Variants in CDH11 observed in about 807,000 individuals in gnomAD.
CDH11 encodes the protein cadherin-11.
Under a neutral mutation model 67.8 loss-of-function variants are expected in CDH11, and 11 were observed. The observed-to-expected ratio is 0.16, with a 90% CI of 0.10 to 0.27. CDH11 has a LOEUF of 0.27. Among genes scored for constraint, CDH11 ranks in the 10% least tolerant of loss-of-function variants. The pLI is 1.00. For synonymous variants in CDH11, 419 were observed against 400.0 expected, an observed-to-expected ratio of 1.05 and a Z score of -0.57; for missense variants, 847 against 1,031.2, an observed-to-expected ratio of 0.82 and a Z score of 2.45.
chr16:64,974,243 CA>C, intron 8 of CDH11, among the ~76,000 whole-genome samples: 1 of 152,094 alleles, frequency 6.6e-6, no homozygotes. Flanking sequence ...TAGAAAAGAA[CA>C]AAAATGGGTT....
chr16:65,071,078 G>T (rs945972365), intron 1 of CDH11, among the ~76,000 whole-genome samples: 3 of 152,180 alleles, frequency 2.0e-5, no homozygotes, highest in Non-Finnish European at 4.4e-5. Context: ...AGTTCAAAAG[G>T]TCCTTTGAGG....
chr16:65,039,816 C>A (rs2073829943), intron 2 of CDH11, among the ~76,000 whole-genome samples: 1 of 152,112 alleles, frequency 6.6e-6, no homozygotes, highest in African/African-American at 2.4e-5. Flanking sequence ...ACTCATCTGA[C>A]AAAGGGCTAA....
At chr16:65,021,569 C>CACACACAT (rs4048808) in intron 2 of CDH11, among the ~76,000 whole-genome samples, 26 of 139,002 alleles carry the variant, frequency 1.9e-4, no homozygotes, top group Admixed American at 1.4e-4. Context: ...CACACACACA[C>CACACACAT]ATATATATAT....
intron 1 of CDH11, among the ~76,000 whole-genome samples, chr16:65,097,410 T>C (rs923494327): frequency 6.6e-6 from 1 of 152,244 alleles, no homozygotes; most frequent in African/African-American, 2.4e-5. Flanking sequence ...AGATTGACCC[T>C]CATTCTCTAG....
intron 2 of CDH11, among the ~76,000 whole-genome samples, chr16:65,051,879 C>G (rs1017443742): frequency 1.3e-5 from 2 of 152,200 alleles, no homozygotes; most frequent in Non-Finnish European, 2.9e-5. Flanking sequence ...AATTAAACCA[C>G]TTTCATTTAT....
chr16:65,074,240 G>A (rs770506649), intron 1 of CDH11, among the ~76,000 whole-genome samples: 1 of 151,996 alleles, frequency 6.6e-6, no homozygotes, highest in Non-Finnish European at 1.5e-5. Context: ...AGACTCCAAA[G>A]GGGACACATT....
chr16:64,967,279 G>A (rs777543305), intron 11 of CDH11, among the ~76,000 whole-genome samples: 18 of 152,098 alleles, frequency 1.2e-4, no homozygotes, highest in African/African-American at 4.3e-4. Flanking sequence ...GTGCAGTGGC[G>A]TGATCTCAGC....
intron 1 of CDH11, among the ~76,000 whole-genome samples, chr16:65,086,482 CTG>C (rs2074701323): frequency 6.6e-6 from 1 of 152,202 alleles, no homozygotes; most frequent in African/African-American, 2.4e-5. Flanking sequence ...TCTGTTGTCT[CTG>C]TGATGTTAGA....
chr16:64,996,514 C>T (rs1228240205), intron 4 of CDH11, among the ~76,000 whole-genome samples: 3 of 146,156 alleles, frequency 2.1e-5, no homozygotes, highest in Non-Finnish European at 4.5e-5. Flanking sequence ...AAAAGTATTA[C>T]AATTCAACCC....
intron 11 of CDH11, among the ~76,000 whole-genome samples, chr16:64,959,251 G>A (rs573938538): frequency 1.2e-4 from 18 of 152,262 alleles, no homozygotes; most frequent in Middle Eastern, 6.8e-3. Flanking sequence ...ATGAGATATC[G>A]AAGTATGCAG....
chr16:65,050,541 A>G (rs914302849), intron 2 of CDH11, among the ~76,000 whole-genome samples: 3 of 152,196 alleles, frequency 2.0e-5, no homozygotes, highest in Non-Finnish European at 2.9e-5. Context: ...GTCATTGGTT[A>G]GTTTTGTTCT....
At chr16:65,096,443 G>GTGTGTGTGTGTGTATA (rs71143551) in intron 1 of CDH11, among the ~76,000 whole-genome samples, 2 of 138,436 alleles carry the variant, frequency 1.4e-5, no homozygotes, top group Non-Finnish European at 3.1e-5. Flanking sequence ...GTGTGTGTGT[G>GTGTGTGTGTGTGTATA]TATATATATG....
chr16:65,046,406 G>A (rs1044869249), intron 2 of CDH11, among the ~76,000 whole-genome samples: 5 of 152,194 alleles, frequency 3.3e-5, no homozygotes, highest in African/African-American at 1.2e-4. Context: ...CCAAAGAGGG[G>A]CACCTCCAGC....
At chr16:65,123,142 C>T (rs1457454076), upstream of CDH11, among the ~76,000 whole-genome samples, 1 of 152,086 alleles carries the variant, frequency 6.6e-6, no homozygotes, top group Non-Finnish European at 1.5e-5. Flanking sequence ...AAGGACTGGG[C>T]GGGGCGCTCG....
At chr16:64,995,638 C>T (rs939351759) in intron 4 of CDH11, among the ~76,000 whole-genome samples, 7 of 151,998 alleles carry the variant, frequency 4.6e-5, no homozygotes, top group Admixed American at 3.3e-4. Context: ...ACTATAAATG[C>T]CCTAGAGAAA....
In CDH11 at chr16:65,054,461, A is replaced by G. The variant is rs541192395; in HGVS notation, c.-297-533T>C. On this transcript the variant is annotated intron_variant, in intron 1 of 12. Coordinates refer to ENST00000268603, the MANE Select transcript of CDH11 (RefSeq NM_001797.4). ...CAGCAGACCAGAGCATTGGGCTGACAGTGTTGCAGCTCTTCAAGATTGCAT... is the reference window on the plus strand; with the variant it reads ...CAGCAGACCAGAGCATTGGGCTGACGGTGTTGCAGCTCTTCAAGATTGCAT... 7.2e-5 allele frequency among the ~76,000 whole-genome samples: 11 copies of G among 152,290 alleles called. No homozygotes were observed. In the South Asian group the frequency reaches 2.3e-3, roughly 32 times the overall value.
At chr16:65,031,940 G>C (rs2073651448) in intron 2 of CDH11, among the ~76,000 whole-genome samples, 2 of 152,088 alleles carry the variant, frequency 1.3e-5, no homozygotes, top group Admixed American at 1.3e-4. Flanking sequence ...TTTCCATCTG[G>C]ATATGTCAAG....
At chr16:65,106,803 CA>C (rs1379839217) in intron 1 of CDH11, among the ~76,000 whole-genome samples, 13 of 152,098 alleles carry the variant, frequency 8.5e-5, no homozygotes, top group African/African-American at 3.1e-4. Flanking sequence ...ATCTGGGAAA[CA>C]CAACTTCTTT....
chr16:64,957,751 G>A lies in CDH11; in HGVS notation c.1643-6733C>T, dbSNP rs1399650331. On this transcript the variant is annotated intron_variant, in intron 11 of 12. Coordinates refer to ENST00000268603, the MANE Select transcript of CDH11 (RefSeq NM_001797.4). ...GTTATAAGCTTCAATAATTTCAGAA[G>A]TATAGATGACACACAACTACAAAAG... Among the ~76,000 whole-genome samples the A allele has an allele frequency of 3.3e-5, 5 of 151,926 alleles. No individual in the cohort carries two copies. The East Asian group carries it at 7.7e-4, about 24-fold the overall frequency.
Sources: gnomAD v4.1 joint callset for allele counts (sites outside exome capture counted in the v4.1 genomes callset) on GRCh38, gnomAD v4.1.1 for gene constraint, MANE v1.5 for transcripts, NCBI Gene and HGNC (gene_info 2026-07-23, HGNC 2026-07-21) for gene names.